Variants in BEGAIN observed in about 807,000 individuals in gnomAD.
BEGAIN encodes the protein brain enriched guanylate kinase associated.
In BEGAIN, 19 loss-of-function variants were observed where a neutral mutation model predicts 35.8. The observed-to-expected ratio is 0.53, with a 90% confidence interval of 0.37 to 0.78. The LOEUF (loss-of-function observed/expected upper bound fraction) is 0.78, where lower values mean the gene tolerates loss of function less well. BEGAIN is among the 30% of genes least tolerant of loss of function. BEGAIN has a pLI of 0.00. For synonymous variants in BEGAIN, 462 were observed against 388.6 expected, an observed-to-expected ratio of 1.19 and a Z score of -2.22; for missense variants, 795 against 853.6, an observed-to-expected ratio of 0.93 and a Z score of 0.85.
intron 3 of BEGAIN, chr14:100,545,989 A>G (rs1306634445): frequency 6.5e-6 from 1 of 153,048 alleles, no homozygotes; most frequent in Non-Finnish European, 1.5e-5. Context: ...TTAAATGTGC[A>G]CAAGAAAACT....
At position 100,568,166 on chromosome 14, in the gene BEGAIN, G is replaced by T. The variant is rs1303683289; in HGVS notation, c.43-227C>A. On this transcript the variant is annotated intron_variant, in intron 1 of 6. Coordinates refer to ENST00000554140, the MANE Select transcript of BEGAIN (RefSeq NM_001385089.1). This position sits in a 1 kb window ranked among gnomAD's most constrained non-coding sequence, Gnocchi z 7.5. ...CAGGTGAGCCCGCCCGGGCCGCCGC[G>T]CTCCCCGCACCGAGTTACGCCCCCC... The T allele has an allele frequency of 1.1e-6, 1 of 900,438 alleles. No individual in the cohort carries two copies. The highest frequency in any genetic ancestry group is 1.3e-6 in the Non-Finnish European group (1 of 749,002). The allele number at this position is 900,438 out of a possible 1,614,324, so 55.8% of individuals were successfully genotyped here.
chr14:100,560,367 C>T lies in BEGAIN; in HGVS notation c.71+7544G>A, dbSNP rs111743444. Among the ~76,000 whole-genome samples the T allele has an allele frequency of 2.6e-5, 4 of 152,338 alleles. 1 individual carries two copies. Among genetic ancestry groups the T allele is most frequent in the African/African-American group, 9.6e-5 (4 of 41,586 alleles). On this transcript the variant is annotated intron_variant, in intron 2 of 6. Transcript: ENST00000554140. Reference sequence around the variant, plus strand: ...TCCTCCTGTGTCCCCAGCAGCACCACCTGCCCCTGCCTCTCTTTTCCTTCT... The same window carrying T: ...TCCTCCTGTGTCCCCAGCAGCACCATCTGCCCCTGCCTCTCTTTTCCTTCT...
intron 3 of BEGAIN, 96 bp downstream of exon 3, chr14:100,546,405 C>A: frequency 1.7e-5 from 1 of 59,648 alleles, no homozygotes; most frequent in South Asian, 5.2e-4. Context: ...GGCCCTCGCC[C>A]CGCCCCGGCC....
intron 5 of BEGAIN, 110 bp downstream of exon 5, chr14:100,543,748 G>T: frequency 3.6e-6 from 3 of 837,538 alleles, no homozygotes; most frequent in Non-Finnish European, 5.8e-6. Context: ...GGCCAAAGCA[G>T]CTGAGCTCAG....
chr14:100,582,501 G>A (rs527935549), intron 1 of BEGAIN, among the ~76,000 whole-genome samples: 19 of 152,262 alleles, frequency 1.2e-4, no homozygotes, highest in African/African-American at 3.1e-4. Flanking sequence ...CTGGGAATCC[G>A]CACACTTGTG....
At position 100,543,982 on chromosome 14, in the gene BEGAIN, G is replaced by A; in HGVS notation, c.301-17C>T. ...GTGCTGGCCCTGGGGGTGGGACAGT[G>A]GGAGGAGGAGGCCCGTGGTTGGCTC... On this transcript the variant is annotated splice_polypyrimidine_tract_variant and intron_variant, in intron 4 of 6. Transcript: ENST00000554140. The A allele has an allele frequency of 6.3e-7, 1 of 1,586,162 alleles. No individual in the cohort carries two copies. The highest frequency in any genetic ancestry group is 1.1e-5 in the South Asian group (1 of 87,986).
At chr14:100,574,362 G>A (rs1453051244) in intron 1 of BEGAIN, among the ~76,000 whole-genome samples, 1 of 152,160 alleles carries the variant, frequency 6.6e-6, no homozygotes, top group Non-Finnish European at 1.5e-5. Flanking sequence ...TGTGACCTGA[G>A]CCCTGGGTCT....
At chr14:100,555,258 A>G (rs2033599871) in intron 2 of BEGAIN, among the ~76,000 whole-genome samples, 1 of 152,208 alleles carries the variant, frequency 6.6e-6, no homozygotes, top group African/African-American at 2.4e-5. Flanking sequence ...GAGCAGCAAC[A>G]AGCCCTGTGG....
chr14:100,544,689 C>T (rs80239309), intron 4 of BEGAIN, among the ~76,000 whole-genome samples: 2,945 of 152,234 alleles, frequency 0.019, 103 homozygotes, highest in African/African-American at 0.067. Context: ...TCCTCCTGGG[C>T]CCAGGTCCTT....
intron 2 of BEGAIN, among the ~76,000 whole-genome samples, chr14:100,564,010 G>A (rs1203659288): frequency 2.6e-5 from 4 of 152,114 alleles, no homozygotes; most frequent in Non-Finnish European, 4.4e-5. Flanking sequence ...GCAGAACCAC[G>A]AGGACAGCAA....
chr14:100,545,542 T>G (rs1224974697), intron 3 of BEGAIN: 1 of 599,554 alleles, frequency 1.7e-6, no homozygotes, highest in Non-Finnish European at 2.1e-6. Context: ...GTAGGAGGAG[T>G]GGAGCTGAGT....
In BEGAIN at chr14:100,567,836, T is replaced by G; in HGVS notation, c.71+75A>C. The G allele has an allele frequency of 2.2e-5, 30 of 1,347,198 alleles. No homozygotes were observed. The highest frequency in any genetic ancestry group is 2.4e-5 in the Non-Finnish European group (24 of 1,012,294). 83.5% of individuals were successfully genotyped at this position (1,347,198 alleles called of 1,614,324 possible). On this transcript the variant is annotated intron_variant, in intron 2 of 6. Transcript: ENST00000554140. This position sits in a 1 kb window ranked among gnomAD's most constrained non-coding sequence, Gnocchi z 5.1. ...GGGGATGCGCTCGGGTGGAGCCCCC[T>G]TCCCCCGCCTTCCCCAGCGCCCTCA...
chr14:100,568,033 A>C lies in BEGAIN; in HGVS notation c.43-94T>G. The C allele has an allele frequency of 8.4e-7, 1 of 1,184,868 alleles. No individual in the cohort carries two copies. The highest frequency in any genetic ancestry group is 1.1e-6 in the Non-Finnish European group (1 of 952,214). The allele number at this position is 1,184,868 out of a possible 1,614,324, so 73.4% of individuals were successfully genotyped here. A position where few individuals can be genotyped will look rare whatever the true frequency, so the allele number is the denominator to read the frequency against. ...CGGGCACAGCGGGCACGGCCGGGCAACCCCGCGGGGCCCCGTCCGTGGGAA... is the reference window on the plus strand; with the variant it reads ...CGGGCACAGCGGGCACGGCCGGGCACCCCCGCGGGGCCCCGTCCGTGGGAA... On this transcript the variant is annotated intron_variant, in intron 1 of 6. Coordinates refer to ENST00000554140, the MANE Select transcript of BEGAIN (RefSeq NM_001385089.1). This position sits in a 1 kb window ranked among gnomAD's most constrained non-coding sequence, Gnocchi z 7.5.
In BEGAIN at chr14:100,567,929, GC is replaced by G. The variant is rs1316481480; in HGVS notation, c.52del (p.Ala18GlnfsTer94). The G allele has an allele frequency of 1.4e-6, 2 of 1,463,608 alleles. No individual in the cohort carries two copies. Among genetic ancestry groups the G allele is most frequent in the Admixed American group, 2.2e-5 (1 of 44,510 alleles). 90.7% of individuals were successfully genotyped at this position (1,463,608 alleles called of 1,614,324 possible). On this transcript the variant is annotated frameshift_variant, in exon 2 of 7. Transcript: ENST00000554140. LOFTEE classifies it high-confidence loss of function. This position sits in a 1 kb window ranked among gnomAD's most constrained non-coding sequence, Gnocchi z 5.1. ...CACTCACCTGAGTTTCTCCATGTCT[GC>G]GGCAGAGGCCTGCGAGAAACCAAAC... ...PGRLRRAASAADMEKLSALQE... is the reference protein window; with the variant it reads ...PGRLRRAASAXDMEKLSALQE...
At chr14:100,546,969 C>T in intron 2 of BEGAIN, 1 of 265,550 alleles carries the variant, frequency 3.8e-6, no homozygotes. Context: ...GAGTCTTTGA[C>T]CCCAGAACCT....
chr14:100,555,941 G>T (rs552756706), intron 2 of BEGAIN, among the ~76,000 whole-genome samples: 1 of 152,284 alleles, frequency 6.6e-6, no homozygotes, highest in Non-Finnish European at 1.5e-5. Flanking sequence ...TGGCTGTTGT[G>T]CAGCTGCCCC....
intron 2 of BEGAIN, among the ~76,000 whole-genome samples, chr14:100,551,862 G>C (rs568222664): frequency 6.0e-4 from 92 of 152,282 alleles, no homozygotes; most frequent in African/African-American, 2.0e-3. Flanking sequence ...CCAGCGCATG[G>C]TGGGGAAGGG....
chr14:100,560,480 G>T (rs1201360330), intron 2 of BEGAIN, among the ~76,000 whole-genome samples: 11 of 152,208 alleles, frequency 7.2e-5, no homozygotes, highest in Admixed American at 6.5e-4. Flanking sequence ...CATGGCTGGG[G>T]CCTGTGGGGT....
chr14:100,562,875 A>G (rs145040783), intron 2 of BEGAIN, among the ~76,000 whole-genome samples: 24 of 152,384 alleles, frequency 1.6e-4, no homozygotes, highest in African/African-American at 5.3e-4. Flanking sequence ...CGACTAGAAG[A>G]TTCGCCTGTG....
Sources: gnomAD v4.1 joint callset for allele counts (sites outside exome capture counted in the v4.1 genomes callset) on GRCh38, gnomAD v4.1.1 for gene constraint, Gnocchi (gnomAD v3.1) non-coding constraint, MANE v1.5 for transcripts, NCBI Gene and HGNC (gene_info 2026-07-23, HGNC 2026-07-21) for gene names.